ELMO1: variants seen among roughly 807,000 people sequenced by gnomAD.
The protein encoded by ELMO1 is engulfment and cell motility protein 1.
A neutral mutation model predicts 98.9 loss-of-function variants in ELMO1; 26 were observed. The observed-to-expected ratio is 0.26, with a 90% CI of 0.19 to 0.36. ELMO1 has a LOEUF of 0.36. ELMO1 is among the 10% of genes least tolerant of loss of function. The probability of loss-of-function intolerance (pLI) is 1.00; values close to 1 mark genes in which losing one functional copy is unlikely to be tolerated. For missense variants in ELMO1, 627 were observed against 935.2 expected (o/e 0.67, Z 4.30); for synonymous variants, 346 against 346.0 (o/e 1.00, Z 0.00).
intron 1 of ELMO1, chr7:37,375,472 T>G (rs562133312): frequency 1.4e-6 from 1 of 690,848 alleles, no homozygotes; most frequent in Non-Finnish European, 2.6e-6. Flanking sequence ...CGAAGCAAGA[T>G]GGAGTCAGGT....
chr7:37,394,903 C>T (rs6947334), intron 1 of ELMO1, among the ~76,000 whole-genome samples: 133,256 of 152,222 alleles, frequency 0.88, 58,423 homozygotes, highest in East Asian at 0.96. Flanking sequence ...TCCTGATTAC[C>T]GGAATGTTTC....
chr7:37,018,765 T>C (rs1794102401), intron 15 of ELMO1, among the ~76,000 whole-genome samples: 1 of 152,188 alleles, frequency 6.6e-6, no homozygotes, highest in African/African-American at 2.4e-5. Context: ...GCATAAGCCA[T>C]CAGGCACAGC....
intron 16 of ELMO1, among the ~76,000 whole-genome samples, chr7:36,907,920 CTTAG>C (rs1784078226): frequency 6.6e-6 from 1 of 152,210 alleles, no homozygotes; most frequent in Admixed American, 6.5e-5. Flanking sequence ...TTGGTGGGCA[CTTAG>C]TTAATCTTAC....
Position 37,222,654 on chromosome 7 carries a change from A to C in ELMO1, c.741T>G (p.Ile247Met). 1 of 1,614,116 alleles carries C rather than the reference A, an allele frequency of 6.2e-7. No homozygotes were observed. Among genetic ancestry groups the C allele is most frequent in the South Asian group, 1.1e-5 (1 of 91,074 alleles). The stretch of plus-strand genomic sequence containing the variant: ...CAGGAGCCTTCAGGAAAAGCGCATT[A>C]ATCACTGCAATAGTATAGGTTTGGA... ...QEIQTYTIAV[I>M]NALFLKAPDE... Residue 247 changes from isoleucine (I) to methionine (M), a missense_variant, in exon 10 of 22, where the codon ATT becomes ATG. By Grantham distance (10) the Ile-to-Met change is conservative (BLOSUM62 1). Around this residue, in one of 3 missense-constraint regions of ELMO1, gnomAD observed 492 missense variants for 715.6 expected, o/e 0.69. Coordinates refer to ENST00000310758, the MANE Select transcript of ELMO1 (RefSeq NM_014800.11).
intron 16 of ELMO1, among the ~76,000 whole-genome samples, chr7:36,995,318 G>A (rs77375581): frequency 0.011 from 1,605 of 152,144 alleles, 42 homozygotes; most frequent in East Asian, 0.07. Flanking sequence ...GACCATCCTG[G>A]CCAACATTGT....
intron 2 of ELMO1, among the ~76,000 whole-genome samples, chr7:37,316,268 A>G (rs1351599445): frequency 6.6e-6 from 1 of 152,236 alleles, no homozygotes; most frequent in Admixed American, 6.5e-5. Context: ...TTGTTCAAAG[A>G]TCTCACAGAA....
At chr7:37,406,218 G>GA (rs1803753044) in intron 1 of ELMO1, among the ~76,000 whole-genome samples, 1 of 151,238 alleles carries the variant, frequency 6.6e-6, no homozygotes, top group South Asian at 2.1e-4. Context: ...TGGTACAAGT[G>GA]AAAAATCTGC....
At chr7:37,103,411 T>G (rs1293695864) in intron 14 of ELMO1, among the ~76,000 whole-genome samples, 1 of 150,314 alleles carries the variant, frequency 6.7e-6, no homozygotes, top group African/African-American at 2.4e-5. Context: ...CAGCAAACTA[T>G]CGCAAGGACA....
chr7:37,019,505 A>G (rs184556418), intron 15 of ELMO1, among the ~76,000 whole-genome samples: 3 of 152,334 alleles, frequency 2.0e-5, no homozygotes, highest in African/African-American at 7.2e-5. Context: ...TATCAAGTGG[A>G]GCCTCTCCCA....
intron 16 of ELMO1, among the ~76,000 whole-genome samples, chr7:36,964,152 A>G (rs1410920292): frequency 6.6e-6 from 1 of 152,232 alleles, no homozygotes; most frequent in Non-Finnish European, 1.5e-5. Context: ...ATATTCATAA[A>G]GAGAATTGTT....
At chr7:37,233,451 G>A (rs113405612) in intron 7 of ELMO1, among the ~76,000 whole-genome samples, 6 of 152,120 alleles carry the variant, frequency 3.9e-5, no homozygotes, top group Non-Finnish European at 8.8e-5. Context: ...ACCAACTCTC[G>A]TTCTGGTGAG....
chr7:36,880,882 G>A (rs1804397451), intron 18 of ELMO1, among the ~76,000 whole-genome samples: 1 of 152,218 alleles, frequency 6.6e-6, no homozygotes, highest in Non-Finnish European at 1.5e-5. Context: ...GTTGATGTTT[G>A]TTTAAAGAAA....
chr7:37,078,758 G>A (rs1031174321), intron 15 of ELMO1, among the ~76,000 whole-genome samples: 2 of 152,098 alleles, frequency 1.3e-5, no homozygotes, highest in Non-Finnish European at 2.9e-5. Context: ...CCTGCAATGA[G>A]TCTAGTCAAA....
intron 15 of ELMO1, among the ~76,000 whole-genome samples, chr7:37,042,191 ACT>A (rs1322016791): frequency 2.7e-5 from 4 of 147,578 alleles, no homozygotes; most frequent in South Asian, 2.1e-4. Flanking sequence ...TTTGAGTGAG[ACT>A]CTGTTTTTCT....
At chr7:36,871,049 G>T (rs1241851740) in intron 19 of ELMO1, among the ~76,000 whole-genome samples, 1 of 152,108 alleles carries the variant, frequency 6.6e-6, no homozygotes, top group Admixed American at 6.5e-5. Flanking sequence ...TATAAAGCAG[G>T]TTTTATTATC....
intron 14 of ELMO1, among the ~76,000 whole-genome samples, chr7:37,107,752 C>T (rs894836339): frequency 4.6e-5 from 7 of 152,196 alleles, no homozygotes; most frequent in Non-Finnish European, 1.0e-4. Context: ...GCAAAGTTAA[C>T]CACCACATAT....
At chr7:37,428,251 A>G (rs1804790475) in intron 1 of ELMO1, among the ~76,000 whole-genome samples, 1 of 152,188 alleles carries the variant, frequency 6.6e-6, no homozygotes, top group Non-Finnish European at 1.5e-5. Flanking sequence ...AATAGCACCT[A>G]ATAAAAAAAA....
At chr7:37,429,168 T>C (rs562700990) in intron 1 of ELMO1, 52 of 152,028 alleles carry the variant, frequency 3.4e-4, no homozygotes, top group African/African-American at 1.2e-3. Context: ...TTGTCTTCTT[T>C]CCAACCCACC....
intron 4 of ELMO1, among the ~76,000 whole-genome samples, chr7:37,300,822 G>A (rs1798302899): frequency 6.6e-6 from 1 of 151,528 alleles, no homozygotes; most frequent in African/African-American, 2.4e-5. Context: ...TCTATTGATT[G>A]GAATAGTTTC....
Sources: gnomAD v4.1 joint callset for allele counts (sites outside exome capture counted in the v4.1 genomes callset) on GRCh38, gnomAD v4.1.1 for gene constraint, gnomAD v4.1.1 regional missense constraint, MANE v1.5 for transcripts, NCBI Gene and HGNC (gene_info 2026-07-23, HGNC 2026-07-21) for gene names.